SMC5: variants seen among roughly 807,000 people sequenced by gnomAD.
The protein encoded by SMC5 is structural maintenance of chromosomes 5, also known as structural maintenance of chromosomes protein 5.
A neutral mutation model predicts 148.3 loss-of-function variants in SMC5; 88 were observed. The ratio of observed to expected loss-of-function variants is 0.59; its 90% CI spans 0.50 to 0.71. SMC5 has a LOEUF of 0.71. Among genes scored for constraint, SMC5 ranks in the 30% least tolerant of loss-of-function variants. The probability of loss-of-function intolerance (pLI) is 0.00; values close to 1 mark genes in which losing one functional copy is unlikely to be tolerated. For missense variants in SMC5, 1,142 were observed against 1,298.9 expected, an observed-to-expected ratio of 0.88 and a Z score of 1.86; for synonymous variants, 421 against 432.8, an observed-to-expected ratio of 0.97 and a Z score of 0.34.
At position 70,259,088 on chromosome 9, in the gene SMC5, C is replaced by T. The variant is rs377294504; in HGVS notation, c.10C>T (p.Pro4Ser). 1.2e-6 allele frequency: 2 copies of T among 1,605,954 alleles called. No individual in the cohort carries two copies. The highest frequency in any genetic ancestry group is 2.2e-5 in the South Asian group (2 of 89,920). Reference sequence around the variant, plus strand: ...CGCTGAGGAAGCCAGGATGGCGACTCCGAGCAAGAAGACGTCAACTCCAAG... The same window carrying T: ...CGCTGAGGAAGCCAGGATGGCGACTTCGAGCAAGAAGACGTCAACTCCAAG... MAT[P>S]SKKTSTPSPQ... The change falls in exon 1 of 25, where the codon CCG (proline) becomes TCG (serine). Residue 4 changes from proline to serine, a missense_variant. Pro to Ser is a moderately conservative substitution (Grantham distance 74). This residue lies in a region of SMC5 where 297 missense variants were observed against 302.6 expected (regional missense o/e 0.98). Transcript: ENST00000361138.
intron 12 of SMC5, among the ~76,000 whole-genome samples, chr9:70,315,047 A>G (rs2035759091): frequency 1.3e-5 from 2 of 152,132 alleles, no homozygotes; most frequent in Admixed American, 6.5e-5. Flanking sequence ...ATATTGAACT[A>G]TTTAATAAAA....
chr9:70,347,050 G>C lies in SMC5; in HGVS notation c.2569-16G>C. ...GTTTTCATTGTATCTATAATGACGG[G>C]CAATTTTTTTCTTAGGTTTTCCAAG... On this transcript the variant is annotated splice_polypyrimidine_tract_variant and intron_variant, in intron 19 of 24. Transcript: ENST00000361138. 6.3e-7 allele frequency: 1 copy of C among 1,594,900 alleles called. No homozygotes were observed. Among genetic ancestry groups the C allele is most frequent in the Non-Finnish European group, 8.6e-7 (1 of 1,164,148 alleles).
At chr9:70,303,266 C>T (rs1010805874) in intron 10 of SMC5, among the ~76,000 whole-genome samples, 8 of 151,526 alleles carry the variant, frequency 5.3e-5, no homozygotes, top group African/African-American at 1.5e-4. Context: ...TCTGGGAGAA[C>T]GTGATCATGA....
intron 7 of SMC5, 123 bp from the exon 8 acceptor site, chr9:70,286,077 A>G (rs2034891612): frequency 1.5e-6 from 1 of 674,364 alleles, no homozygotes; most frequent in Admixed American, 2.8e-5. Flanking sequence ...GTTGATAATT[A>G]TGGATTTTGC....
intron 17 of SMC5, among the ~76,000 whole-genome samples, chr9:70,328,419 C>T (rs965147621): frequency 4.6e-5 from 7 of 152,168 alleles, no homozygotes; most frequent in African/African-American, 1.7e-4. Context: ...AGAAATCAGC[C>T]AAAACGAAGG....
intron 3 of SMC5, among the ~76,000 whole-genome samples, chr9:70,274,199 A>G (rs1226203534): frequency 6.6e-6 from 1 of 152,178 alleles, no homozygotes; most frequent in East Asian, 1.9e-4. Context: ...TTCCTGCCTC[A>G]GCCTCCCGAG....
chr9:70,319,006 A>G (rs2035880615), intron 15 of SMC5, 43 bp downstream of exon 15: 1 of 1,499,740 alleles, frequency 6.7e-7, no homozygotes, highest in South Asian at 1.3e-5. Context: ...AAATTACTGT[A>G]TGGGAGAATA....
chr9:70,332,077 A>G (rs1233541479), intron 17 of SMC5, among the ~76,000 whole-genome samples: 1 of 152,220 alleles, frequency 6.6e-6, no homozygotes, highest in African/African-American at 2.4e-5. Context: ...CACATTTCTT[A>G]ACACTAAACT....
chr9:70,272,269 T>G (rs1206079609), intron 3 of SMC5, among the ~76,000 whole-genome samples: 1 of 152,214 alleles, frequency 6.6e-6, no homozygotes, highest in Non-Finnish European at 1.5e-5. Flanking sequence ...CATACATCAT[T>G]GAACTAAGAT....
intron 7 of SMC5, among the ~76,000 whole-genome samples, chr9:70,285,069 A>G (rs2034859783): frequency 6.6e-6 from 1 of 152,174 alleles, no homozygotes; most frequent in Non-Finnish European, 1.5e-5. Flanking sequence ...TCTTTATCTT[A>G]CATGATTAGC....
At chr9:70,262,157 A>G (rs531899602) in intron 1 of SMC5, among the ~76,000 whole-genome samples, 18 of 152,294 alleles carry the variant, frequency 1.2e-4, no homozygotes, top group Non-Finnish European at 1.9e-4. Flanking sequence ...GGAAGAGAGT[A>G]GTGAGTGAAC....
intron 21 of SMC5, 60 bp downstream of exon 21, chr9:70,347,777 A>G: frequency 7.8e-7 from 1 of 1,276,846 alleles, no homozygotes; most frequent in Non-Finnish European, 1.1e-6. Flanking sequence ...GGAATGTAGA[A>G]TAATGGAAAA....
chr9:70,307,796 G>C (rs909205805), intron 11 of SMC5, among the ~76,000 whole-genome samples: 22 of 152,054 alleles, frequency 1.4e-4, no homozygotes, highest in African/African-American at 4.8e-4. Context: ...GAACCACCAC[G>C]CCCGGTCAAT....
intron 11 of SMC5, among the ~76,000 whole-genome samples, chr9:70,309,383 A>AGTGGAAT (rs1185728482): frequency 1.6e-5 from 2 of 123,590 alleles, no homozygotes; most frequent in Non-Finnish European, 3.1e-5. Flanking sequence ...CGCAGACTAG[A>AGTGGAAT]GTGGAATGGC....
chr9:70,298,263 G>A (rs920133764), intron 9 of SMC5, 42 bp downstream of exon 9: 2 of 1,563,098 alleles, frequency 1.3e-6, no homozygotes, highest in African/African-American at 2.8e-5. Context: ...ATAAAATGTA[G>A]ATACATCTCT....
chr9:70,321,801 G>A (rs1227925640), intron 15 of SMC5, among the ~76,000 whole-genome samples: 2 of 152,146 alleles, frequency 1.3e-5, no homozygotes, highest in African/African-American at 4.8e-5. Context: ...AATATATAAG[G>A]TGGGATAAAA....
chr9:70,260,354 G>A (rs1587607033), intron 1 of SMC5, among the ~76,000 whole-genome samples: 1 of 152,122 alleles, frequency 6.6e-6, no homozygotes, highest in East Asian at 1.9e-4. Flanking sequence ...TGATCTGCCC[G>A]CCTCGGCCTC....
intron 16 of SMC5, 101 bp downstream of exon 16, chr9:70,323,707 G>C (rs1181047003): frequency 7.6e-7 from 1 of 1,310,476 alleles, no homozygotes; most frequent in Non-Finnish European, 1.0e-6. Context: ...TAAGGTTTTT[G>C]ACATTTTAGT....
chr9:70,323,895 A>G, intron 16 of SMC5, 126 bp from the exon 17 acceptor site: 1 of 924,552 alleles, frequency 1.1e-6, no homozygotes, highest in Non-Finnish European at 1.6e-6. Flanking sequence ...TGTTTGAGAG[A>G]GATGTCAGGC....
Sources: gnomAD v4.1 joint callset for allele counts (sites outside exome capture counted in the v4.1 genomes callset) on GRCh38, gnomAD v4.1.1 for gene constraint, gnomAD v4.1.1 regional missense constraint, MANE v1.5 for transcripts, NCBI Gene and HGNC (gene_info 2026-07-23, HGNC 2026-07-21) for gene names.